The following SORCS3 variants were observed in gnomAD, a reference collection of about 807,000 sequenced individuals.
The protein encoded by SORCS3 is VPS10 domain-containing receptor SorCS3.
A neutral mutation model predicts 146.3 loss-of-function variants in SORCS3; 57 were observed. The observed-to-expected ratio is 0.39, with a 90% CI of 0.31 to 0.49. SORCS3 has a LOEUF of 0.49. Ranked by LOEUF, SORCS3 falls within the 20% of genes least tolerant of loss-of-function variation. The probability of loss-of-function intolerance (pLI) is 0.92; values close to 1 mark genes in which losing one functional copy is unlikely to be tolerated. For missense variants in SORCS3, 1,341 were observed against 1,575.5 expected, an observed-to-expected ratio of 0.85 and a Z score of 2.52; for synonymous variants, 653 against 618.5, an observed-to-expected ratio of 1.06 and a Z score of -0.83.
At chr10:104,718,361 A>G (rs575935138) in intron 1 of SORCS3, among the ~76,000 whole-genome samples, 3 of 152,162 alleles carry the variant, frequency 2.0e-5, no homozygotes, top group African/African-American at 4.8e-5. Flanking sequence ...CACCCTTACA[A>G]TGATGAACCC....
chr10:105,026,636 C>T (rs140629209), intron 4 of SORCS3, among the ~76,000 whole-genome samples: 92 of 152,266 alleles, frequency 6.0e-4, no homozygotes, highest in South Asian at 3.5e-3. Flanking sequence ...CCATGGAATA[C>T]GACACAGCTG....
chr10:104,823,771 A>C (rs907774147), intron 1 of SORCS3, among the ~76,000 whole-genome samples: 7 of 152,246 alleles, frequency 4.6e-5, no homozygotes, highest in Non-Finnish European at 7.3e-5. Context: ...TGGATGTGTT[A>C]GGTCACATGA....
At chr10:105,258,535 T>C (rs2056943527) in intron 25 of SORCS3, among the ~76,000 whole-genome samples, 1 of 152,206 alleles carries the variant, frequency 6.6e-6, no homozygotes, top group Non-Finnish European at 1.5e-5. Flanking sequence ...CAAGGGCCAA[T>C]AGAAGTCCTG....
chr10:105,128,441 C>G (rs1338681129), intron 7 of SORCS3, among the ~76,000 whole-genome samples: 1 of 152,088 alleles, frequency 6.6e-6, no homozygotes, highest in Non-Finnish European at 1.5e-5. Flanking sequence ...TTCCAGAAAT[C>G]CCATGCCCCA....
At chr10:104,837,170 A>C (rs1435833084) in intron 1 of SORCS3, among the ~76,000 whole-genome samples, 3 of 152,158 alleles carry the variant, frequency 2.0e-5, no homozygotes, top group African/African-American at 7.2e-5. Context: ...GGTGGTGGGA[A>C]TACAGAGCTA....
intron 3 of SORCS3, among the ~76,000 whole-genome samples, chr10:104,918,929 T>C (rs2019059390): frequency 6.6e-6 from 1 of 152,236 alleles, no homozygotes; most frequent in African/African-American, 2.4e-5. Flanking sequence ...TCATCTGTCA[T>C]GTATGTTTCC....
At chr10:105,017,741 T>C (rs1263838660) in intron 4 of SORCS3, among the ~76,000 whole-genome samples, 1 of 152,196 alleles carries the variant, frequency 6.6e-6, no homozygotes, top group East Asian at 1.9e-4. Context: ...TCCCTTAAAC[T>C]TTGCTCACAT....
rs2056220251 is a variant in SORCS3 at position 105,157,376 on chromosome 10, G to T, written c.1629+92G>T. On this transcript the variant is annotated intron_variant, in intron 10 of 26. Transcript: ENST00000369701. ...GCTTTGTTTCGTCAAAGGGTCTTAGGAACTCAGGTGGTGCAGAGCAGTAAT... is the reference window on the plus strand; with the variant it reads ...GCTTTGTTTCGTCAAAGGGTCTTAGTAACTCAGGTGGTGCAGAGCAGTAAT... 52 of 1,478,518 alleles carry T rather than the reference G, an allele frequency of 3.5e-5. No homozygotes were observed. In the South Asian group the frequency reaches 6.5e-4, roughly 18 times the overall value. 91.6% of individuals were successfully genotyped at this position (1,478,518 alleles called of 1,614,324 possible). A position where few individuals can be genotyped will look rare whatever the true frequency, so the allele number is the denominator to read the frequency against.
At chr10:105,016,805 T>C (rs1199512210) in intron 4 of SORCS3, among the ~76,000 whole-genome samples, 1 of 152,100 alleles carries the variant, frequency 6.6e-6, no homozygotes, top group Non-Finnish European at 1.5e-5. Flanking sequence ...CTCTACTCAT[T>C]GTGTCTATGG....
chr10:105,185,935 T>C (rs1366212059), intron 14 of SORCS3, among the ~76,000 whole-genome samples: 1 of 152,220 alleles, frequency 6.6e-6, no homozygotes, highest in Non-Finnish European at 1.5e-5. Flanking sequence ...CAATATTATC[T>C]ATCTGGGGTC....
At chr10:104,829,538 A>G (rs1174606336) in intron 1 of SORCS3, among the ~76,000 whole-genome samples, 1 of 152,196 alleles carries the variant, frequency 6.6e-6, no homozygotes, top group African/African-American at 2.4e-5. Flanking sequence ...AAGTGGCTCT[A>G]GAAGAGGTTT....
intron 5 of SORCS3, among the ~76,000 whole-genome samples, chr10:105,054,670 A>G (rs551720212): frequency 3.5e-4 from 53 of 151,962 alleles, no homozygotes; most frequent in African/African-American, 1.3e-3. Flanking sequence ...TTTACATAAG[A>G]TAAACTCTGG....
chr10:104,983,647 G>A (rs975120975), intron 4 of SORCS3, among the ~76,000 whole-genome samples: 4 of 152,006 alleles, frequency 2.6e-5, no homozygotes, highest in African/African-American at 9.7e-5. Flanking sequence ...TTATGTACGT[G>A]CTGTTTTTTT....
intron 5 of SORCS3, among the ~76,000 whole-genome samples, chr10:105,053,882 AT>A (rs1228359381): frequency 1.3e-5 from 2 of 152,006 alleles, no homozygotes; most frequent in Non-Finnish European, 1.5e-5. Flanking sequence ...GATTATTATG[AT>A]TTTTTTAGGA....
intron 5 of SORCS3, among the ~76,000 whole-genome samples, chr10:105,071,992 T>C (rs1460414622): frequency 2.6e-5 from 4 of 152,160 alleles, no homozygotes; most frequent in Non-Finnish European, 5.9e-5. Context: ...TCTCTTGGTG[T>C]AAAGACTGAG....
intron 13 of SORCS3, among the ~76,000 whole-genome samples, chr10:105,176,979 A>T (rs889091516): frequency 6.0e-5 from 9 of 149,762 alleles, no homozygotes; most frequent in African/African-American, 1.7e-4. Context: ...GTGTGTGTGT[A>T]TACACACACA....
intron 3 of SORCS3, among the ~76,000 whole-genome samples, chr10:104,976,979 C>G (rs544991089): frequency 4.3e-4 from 66 of 151,918 alleles, no homozygotes; most frequent in African/African-American, 1.6e-3. Flanking sequence ...TTAATGGGTG[C>G]AGCACACCAG....
chr10:105,062,362 G>A (rs1447278952), intron 5 of SORCS3, among the ~76,000 whole-genome samples: 2 of 152,078 alleles, frequency 1.3e-5, no homozygotes, highest in Middle Eastern at 3.2e-3. Context: ...TTGAAAAAAC[G>A]GTATTCTAAT....
chr10:104,691,754 T>G (rs2016115290), intron 1 of SORCS3, among the ~76,000 whole-genome samples: 1 of 152,164 alleles, frequency 6.6e-6, no homozygotes, highest in Non-Finnish European at 1.5e-5. Context: ...TTCTTTTTGT[T>G]TTTTGAGGCA....
Sources: allele counts gnomAD v4.1 joint callset (sites outside exome capture counted in the v4.1 genomes callset), GRCh38; gene constraint gnomAD v4.1.1; transcripts MANE v1.5; gene names NCBI Gene and HGNC (gene_info 2026-07-23, HGNC 2026-07-21).